LYPLA1: variants seen among roughly 807,000 people sequenced by gnomAD.
The protein encoded by LYPLA1 is lysophospholipase 1.
A neutral mutation model predicts 34.0 loss-of-function variants in LYPLA1; 17 were observed. That is an observed-to-expected ratio of 0.50 (90% CI 0.34 to 0.75). The LOEUF is 0.75. Among genes scored for constraint, LYPLA1 ranks in the 30% least tolerant of loss-of-function variants. The probability of loss-of-function intolerance (pLI) is 0.01; values close to 1 mark genes in which losing one functional copy is unlikely to be tolerated. For missense variants in LYPLA1, 203 were observed against 288.8 expected (o/e 0.70, Z 2.15); for synonymous variants, 98 against 100.8 (o/e 0.97, Z 0.17).
chr8:54,081,040 G>A (rs1488292247), intron 2 of LYPLA1, among the ~76,000 whole-genome samples: 1 of 152,130 alleles, frequency 6.6e-6, no homozygotes, highest in African/African-American at 2.4e-5. Flanking sequence ...TAAAAATGCT[G>A]GAGTTCACAC....
intron 8 of LYPLA1, 81 bp downstream of exon 8, chr8:54,050,931 C>A: frequency 7.3e-7 from 1 of 1,368,234 alleles, no homozygotes; most frequent in Non-Finnish European, 1.0e-6. Context: ...AATCCCCAAG[C>A]ATTCAAATGT....
intron 2 of LYPLA1, among the ~76,000 whole-genome samples, chr8:54,085,862 C>T (rs924326626): frequency 4.7e-5 from 7 of 149,820 alleles, no homozygotes; most frequent in Admixed American, 2.7e-4. Flanking sequence ...GTGGGGGGGG[C>T]GCCTCTGCCC....
intron 3 of LYPLA1, among the ~76,000 whole-genome samples, chr8:54,064,705 T>C (rs571551211): frequency 6.6e-6 from 1 of 152,346 alleles, no homozygotes; most frequent in South Asian, 2.1e-4. Flanking sequence ...GTCTTCTCCA[T>C]GGTTATTGCT....
rs758939905 is a variant in LYPLA1 at position 54,051,191 on chromosome 8, G to A, written c.463-3C>T. 8 of 1,582,480 alleles carry A rather than the reference G, an allele frequency of 5.1e-6. No homozygotes were observed. In the East Asian group the frequency reaches 1.4e-4, roughly 27 times the overall value. On this transcript the variant is annotated splice_region_variant and splice_polypyrimidine_tract_variant and intron_variant, in intron 7 of 8. Transcript: ENST00000316963. Reference sequence around the variant, plus strand: ...CTATTAGCACCACCGATAGGACCCTGCAAAAAGCAAAAGAAGAAATAGTTT... The same window carrying A: ...CTATTAGCACCACCGATAGGACCCTACAAAAAGCAAAAGAAGAAATAGTTT...
chr8:54,066,828 A>G (rs1277129301), intron 2 of LYPLA1, among the ~76,000 whole-genome samples: 1 of 151,854 alleles, frequency 6.6e-6, no homozygotes, highest in Admixed American at 6.6e-5. Flanking sequence ...CCTCAGATAA[A>G]TAAACTAAAT....
chr8:54,061,827 T>C (rs1806654883), intron 5 of LYPLA1, among the ~76,000 whole-genome samples: 1 of 152,072 alleles, frequency 6.6e-6, no homozygotes, highest in Admixed American at 6.6e-5. Context: ...CTCCTGAGAT[T>C]AGATAAATGT....
chr8:54,065,998 G>A (rs1006466496), intron 2 of LYPLA1, among the ~76,000 whole-genome samples, 185 bp from the exon 3 acceptor site: 20 of 152,180 alleles, frequency 1.3e-4, no homozygotes, highest in Admixed American at 2.0e-4. Context: ...GTACAGTGGC[G>A]CGATCTCGGC....
intron 2 of LYPLA1, among the ~76,000 whole-genome samples, chr8:54,081,623 G>T (rs540364553): frequency 2.0e-5 from 3 of 151,946 alleles, no homozygotes; most frequent in African/African-American, 7.2e-5. Flanking sequence ...CACCATGCTG[G>T]TCAGGCTGGT....
At chr8:54,094,577 G>C (rs911142701) in intron 2 of LYPLA1, among the ~76,000 whole-genome samples, 1 of 152,198 alleles carries the variant, frequency 6.6e-6, no homozygotes, top group Admixed American at 6.5e-5. Flanking sequence ...ACTGATATGT[G>C]TGTACATATG....
At chr8:54,095,384 A>G (rs1042193360) in intron 2 of LYPLA1, among the ~76,000 whole-genome samples, 1 of 152,190 alleles carries the variant, frequency 6.6e-6, no homozygotes, top group African/African-American at 2.4e-5. Context: ...ACAACAATAG[A>G]TTCTGGCAAT....
chr8:54,077,354 G>A (rs1366851922), intron 2 of LYPLA1, among the ~76,000 whole-genome samples: 1 of 152,056 alleles, frequency 6.6e-6, no homozygotes, highest in Non-Finnish European at 1.5e-5. Context: ...GGTGGAGGGT[G>A]GAAGGAGGGA....
intron 6 of LYPLA1, chr8:54,053,498 G>A (rs1225489505): frequency 2.4e-6 from 1 of 413,556 alleles, no homozygotes; most frequent in Non-Finnish European, 4.9e-6. Flanking sequence ...CCCACATTCT[G>A]GAAGCTGTAC....
chr8:54,052,628 T>C lies in LYPLA1; in HGVS notation c.462+27A>G, dbSNP rs778170518. Reference sequence around the variant, plus strand: ...ACTAGCTACCTTTAGCTCAGTAATCTCATGTTGAGTGCATCAACCAAGTTA... The same window carrying C: ...ACTAGCTACCTTTAGCTCAGTAATCCCATGTTGAGTGCATCAACCAAGTTA... On this transcript the variant is annotated intron_variant, in intron 7 of 8. Coordinates refer to ENST00000316963, the MANE Select transcript of LYPLA1 (RefSeq NM_006330.4). 3.5e-6 allele frequency: 5 copies of C among 1,437,676 alleles called. No homozygotes were observed. In the South Asian group the frequency reaches 4.6e-5, roughly 13 times the overall value. 89.1% of individuals were successfully genotyped at this position (1,437,676 alleles called of 1,614,324 possible).
At chr8:54,089,352 C>T (rs1809037796) in intron 2 of LYPLA1, among the ~76,000 whole-genome samples, 1 of 150,464 alleles carries the variant, frequency 6.6e-6, no homozygotes, top group African/African-American at 2.4e-5. Flanking sequence ...ACTTTTATTA[C>T]AGTATGTTGT....
At chr8:54,075,431 G>A (rs1171398613) in intron 2 of LYPLA1, among the ~76,000 whole-genome samples, 1 of 152,162 alleles carries the variant, frequency 6.6e-6, no homozygotes, top group African/African-American at 2.4e-5. Flanking sequence ...CATCCCGAGG[G>A]CCCCCTGATT....
chr8:54,094,174 G>A (rs562413284), intron 2 of LYPLA1, among the ~76,000 whole-genome samples: 1 of 152,276 alleles, frequency 6.6e-6, no homozygotes, highest in South Asian at 2.1e-4. Flanking sequence ...CCTTGGTCTA[G>A]GAAATGTCAC....
chr8:54,096,572 T>C (rs1809699805), intron 2 of LYPLA1, among the ~76,000 whole-genome samples: 1 of 151,912 alleles, frequency 6.6e-6, no homozygotes, highest in African/African-American at 2.4e-5. Flanking sequence ...CCCCCCCGTC[T>C]CTACTAAAAA....
In LYPLA1 at chr8:54,052,899, C is replaced by A. The variant is rs1586075634; in HGVS notation, c.361-143G>T. ...TCAAATCAGGCAAATATCGGAAATA[C>A]AAACACACCCCACCGTGTCCTAAAG... On this transcript the variant is annotated intron_variant, in intron 6 of 8. Coordinates refer to ENST00000316963, the MANE Select transcript of LYPLA1 (RefSeq NM_006330.4). 9.9e-6 allele frequency: 6 copies of A among 605,138 alleles called. No individual in the cohort carries two copies. The East Asian group carries it at 1.7e-4, about 17-fold the overall frequency. The allele number at this position is 605,138 out of a possible 1,614,324, so 37.5% of individuals were successfully genotyped here.
chr8:54,096,344 A>G (rs1809679562), intron 2 of LYPLA1, among the ~76,000 whole-genome samples: 1 of 152,168 alleles, frequency 6.6e-6, no homozygotes, highest in African/African-American at 2.4e-5. Flanking sequence ...TCATGCCTGT[A>G]ATTCCAGGGA....
Sources: gnomAD v4.1 joint callset for allele counts (sites outside exome capture counted in the v4.1 genomes callset) on GRCh38, gnomAD v4.1.1 for gene constraint, MANE v1.5 for transcripts, NCBI Gene and HGNC (gene_info 2026-07-23, HGNC 2026-07-21) for gene names.